HFM1: variants seen among roughly 807,000 people sequenced by gnomAD.
HFM1 encodes helicase for meiosis 1, also known as probable ATP-dependent DNA helicase HFM1.
Under a neutral mutation model 192.1 loss-of-function variants are expected in HFM1, and 169 were observed. The observed-to-expected ratio is 0.88, with a 90% CI of 0.78 to 1.00. The LOEUF is 1.00. HFM1 is among the 50% of genes least tolerant of loss of function. HFM1 has a pLI of 0.00. For missense variants in HFM1, 1,661 were observed against 1,668.0 expected (o/e 1.00, Z 0.07); for synonymous variants, 525 against 537.8 (o/e 0.98, Z 0.33).
chr1:91,343,440 G>C lies in HFM1; in HGVS notation c.2325C>G (p.Phe775Leu). The C allele has an allele frequency of 7.2e-7, 1 of 1,396,576 alleles. No homozygotes were observed. Among genetic ancestry groups the C allele is most frequent in the South Asian group, 1.4e-5 (1 of 73,584 alleles). The allele number at this position is 1,396,576 out of a possible 1,614,324, so 86.5% of individuals were successfully genotyped here. A position where few individuals can be genotyped will look rare whatever the true frequency, so the allele number is the denominator to read the frequency against. ...DLIKMDEGVN[F>L]KPTEAGRLMA... ...ATGATAAGAAATTACCAGTTGGTTT[G>C]AAATTAACACCTTCATCCATCTTTA... The change falls in exon 20 of 39, where the codon TTC becomes TTG. Residue 775 changes from phenylalanine to leucine, a missense_variant. Physicochemically the swap from Phe to Leu is conservative, Grantham distance 22 (BLOSUM62 0). Transcript: ENST00000370425.
chr1:91,378,137 ACAACTT>A lies in HFM1; in HGVS notation c.1277_1282del (p.Glu426_Val427del). ...CTGTACAGTTTTCATTCTGCTAACT[ACAACTT>A]CAAGAGTTGGACCACGATTTTCATC... On this transcript the variant is annotated inframe_deletion, in exon 11 of 39. Coordinates refer to ENST00000370425, the MANE Select transcript of HFM1 (RefSeq NM_001017975.6). 6.2e-7 allele frequency: 1 copy of A among 1,610,352 alleles called. No homozygotes were observed. Among genetic ancestry groups the A allele is most frequent in the Non-Finnish European group, 8.5e-7 (1 of 1,178,556 alleles).
In HFM1 at chr1:91,273,766, G is replaced by T; in HGVS notation, c.3718C>A (p.Gln1240Lys). Reference protein sequence around the residue: ...SELPIMEQWDQPEIYGKVRQE... With the variant: ...SELPIMEQWDKPEIYGKVRQE... ...CTAACTTTTCCATAGATTTCAGGCT[G>T]ATCCCACTGCTCCATTATAGGCAAT... Residue 1240 changes from glutamine to lysine, a missense_variant, in exon 34 of 39, where the codon CAG (glutamine) becomes AAG (lysine). Gln to Lys is a moderately conservative substitution (Grantham distance 53). Transcript: ENST00000370425. The T allele has an allele frequency of 1.2e-6, 2 of 1,603,134 alleles. No individual in the cohort carries two copies.
At chr1:91,397,462 T>G (rs1356355428) in intron 2 of HFM1, among the ~76,000 whole-genome samples, 1 of 152,206 alleles carries the variant, frequency 6.6e-6, no homozygotes, top group Non-Finnish European at 1.5e-5. Context: ...ATTTTGTCTA[T>G]ACCAAGTCCC....
intron 34 of HFM1, among the ~76,000 whole-genome samples, chr1:91,268,955 G>A (rs759111115): frequency 6.6e-6 from 1 of 152,048 alleles, no homozygotes; most frequent in Admixed American, 6.6e-5. Flanking sequence ...TCCTGAATTA[G>A]ATAGTAATTT....
At position 91,353,270 on chromosome 1, in the gene HFM1, T is replaced by C; in HGVS notation, c.1715A>G (p.Asp572Gly). The change falls in exon 14 of 39, where the codon GAT becomes GGT. Residue 572 changes from aspartate (D) to glycine (G), a missense_variant. Physicochemically the swap from Asp to Gly is moderately conservative, Grantham distance 94. Coordinates refer to ENST00000370425, the MANE Select transcript of HFM1 (RefSeq NM_001017975.6). ...RLQKYAYSVR[D>G]SKLRDILKDG... ...TCTAAACCTACCTCTCAGTTTTGAA[T>C]CTCTTACGGAATATGCATACTTCTG... The C allele has an allele frequency of 6.3e-7, 1 of 1,584,816 alleles. No homozygotes were observed. The highest frequency in any genetic ancestry group is 8.7e-7 in the Non-Finnish European group (1 of 1,155,304).
At chr1:91,389,043 T>C (rs1173532934) in intron 4 of HFM1, among the ~76,000 whole-genome samples, 1 of 152,038 alleles carries the variant, frequency 6.6e-6, no homozygotes, top group African/African-American at 2.4e-5. Context: ...GAAAATATTC[T>C]TAACATTATT....
intron 13 of HFM1, among the ~76,000 whole-genome samples, chr1:91,369,201 A>G (rs1233618393): frequency 1.3e-5 from 2 of 152,086 alleles, no homozygotes; most frequent in East Asian, 1.9e-4. Context: ...GAGACAGAAC[A>G]TTAACAAGGA....
chr1:91,338,474 C>T (rs1262255064), intron 20 of HFM1, among the ~76,000 whole-genome samples: 2 of 152,220 alleles, frequency 1.3e-5, no homozygotes, highest in Non-Finnish European at 1.5e-5. Flanking sequence ...AGTTGCCCAA[C>T]TGGGGCACCG....
At chr1:91,342,116 C>T (rs562546246) in intron 20 of HFM1, among the ~76,000 whole-genome samples, 2 of 123,022 alleles carry the variant, frequency 1.6e-5, no homozygotes, top group Admixed American at 9.5e-5. Context: ...GATACCAAAA[C>T]TTGGCAGAGA....
chr1:91,271,032 G>A (rs562002947), intron 34 of HFM1, among the ~76,000 whole-genome samples: 66 of 152,012 alleles, frequency 4.3e-4, no homozygotes, highest in Non-Finnish European at 6.3e-4. Context: ...CCTTTCCTTT[G>A]AGGAAACTGC....
In HFM1 at chr1:91,351,586, T is replaced by C. The variant is rs776872414; in HGVS notation, c.2035A>G (p.Ile679Val). The C allele has an allele frequency of 6.2e-7, 1 of 1,602,554 alleles. No homozygotes were observed. Among genetic ancestry groups the C allele is most frequent in the Admixed American group, 1.7e-5 (1 of 57,818 alleles). Residue 679 changes from isoleucine to valine, a missense_variant, in exon 17 of 39, where the codon ATT becomes GTT. By Grantham distance (29) the Ile-to-Val change is conservative. Transcript: ENST00000370425. ...MTRLSTRDKY[I>V]QMLACRDTVE... ...GTGTCTCTACAAGCTAACATCTGAA[T>C]GTACTTGTCCCTTGTGCTTAATCGA...
intron 18 of HFM1, among the ~76,000 whole-genome samples, chr1:91,350,192 A>C (rs1209361205): frequency 6.6e-6 from 1 of 152,152 alleles, no homozygotes; most frequent in Non-Finnish European, 1.5e-5. Context: ...TGTACATTAG[A>C]ATGATACTTC....
chr1:91,285,069 C>T (rs281943), intron 30 of HFM1, among the ~76,000 whole-genome samples: 24,262 of 152,094 alleles, frequency 0.16, 2,257 homozygotes, highest in Non-Finnish European at 0.22. Context: ...TCGGCTGGCT[C>T]TCATTCTCTC....
At chr1:91,294,340 T>G (rs904646828) in intron 30 of HFM1, among the ~76,000 whole-genome samples, 5 of 152,298 alleles carry the variant, frequency 3.3e-5, no homozygotes, top group Admixed American at 3.3e-4. Context: ...GAGTTAGTAG[T>G]GCTTATTTTT....
In HFM1 at chr1:91,261,347, AG is replaced by A. The variant is rs1344182743; in HGVS notation, c.4250del (p.Pro1417LeufsTer8). The A allele has an allele frequency of 7.1e-7, 1 of 1,411,338 alleles. No homozygotes were observed. Among genetic ancestry groups the A allele is most frequent in the Non-Finnish European group, 9.4e-7 (1 of 1,069,406 alleles). 87.4% of individuals were successfully genotyped at this position (1,411,338 alleles called of 1,614,324 possible). ...KKEVDFSMYH[P>X]DDEADEMKSL... is the part of the protein sequence containing the mutation. ...ACTTCATTTCATCAGCTTCATCATCAGGATGATACATACTGGGAGAAAGAAG... is the reference window on the plus strand; with the variant it reads ...ACTTCATTTCATCAGCTTCATCATCAGATGATACATACTGGGAGAAAGAAG... On this transcript the variant is annotated frameshift_variant, in exon 39 of 39. Transcript: ENST00000370425. LOFTEE classifies it high-confidence loss of function.
At chr1:91,374,014 G>A (rs1489371868) in intron 13 of HFM1, among the ~76,000 whole-genome samples, 1 of 152,074 alleles carries the variant, frequency 6.6e-6, no homozygotes, top group Non-Finnish European at 1.5e-5. Context: ...ATCAAGTACA[G>A]GTTGCTTATA....
intron 11 of HFM1, among the ~76,000 whole-genome samples, chr1:91,376,509 T>G (rs2101974282): frequency 6.6e-6 from 1 of 152,008 alleles, no homozygotes; most frequent in East Asian, 1.9e-4. Context: ...GTAGTGTTTA[T>G]CACAAAGGGG....
At chr1:91,404,875 G>T (rs1020031363), upstream of HFM1, 3 of 455,218 alleles carry the variant, frequency 6.6e-6, no homozygotes, top group African/African-American at 6.0e-5. Context: ...TGGCTAAGCC[G>T]AGCTCCAAGC....
At chr1:91,266,756 G>GCTA (rs1665808622) in intron 35 of HFM1, among the ~76,000 whole-genome samples, 1 of 152,118 alleles carries the variant, frequency 6.6e-6, no homozygotes, top group Non-Finnish European at 1.5e-5. Context: ...CTATTAACTT[G>GCTA]CAGTACCCAA....
Sources: allele counts gnomAD v4.1 joint callset (sites outside exome capture counted in the v4.1 genomes callset), GRCh38; gene constraint gnomAD v4.1.1; transcripts MANE v1.5; gene names NCBI Gene and HGNC (gene_info 2026-07-23, HGNC 2026-07-21).